HDGFL3: variants seen among roughly 807,000 people sequenced by gnomAD.
HDGFL3 encodes the protein hepatoma-derived growth factor-related protein 3.
In HDGFL3, 6 loss-of-function variants were observed where a neutral mutation model predicts 27.6. The ratio of observed to expected loss-of-function variants is 0.22; its 90% CI spans 0.12 to 0.43. HDGFL3 has a LOEUF of 0.43. Ranked by LOEUF, HDGFL3 falls within the 20% of genes least tolerant of loss-of-function variation. The pLI is 1.00. For missense variants in HDGFL3, 207 were observed against 250.1 expected (o/e 0.83, Z 1.16); for synonymous variants, 88 against 88.9 (o/e 0.99, Z 0.05).
intron 1 of HDGFL3, among the ~76,000 whole-genome samples, chr15:83,205,343 TG>T (rs1189079954): frequency 6.6e-6 from 1 of 152,230 alleles, no homozygotes. Flanking sequence ...AGTCTTAGGT[TG>T]TTTCTTGAGG....
At chr15:83,149,880 G>A (rs1305688309) in intron 5 of HDGFL3, among the ~76,000 whole-genome samples, 1 of 152,150 alleles carries the variant, frequency 6.6e-6, no homozygotes, top group Non-Finnish European at 1.5e-5. Context: ...TATAGAAGAA[G>A]GGGACGAATG....
rs769652455 is a variant in HDGFL3, at chr15:83,207,287, GA to G, written c.84+43del. 9.4e-6 allele frequency: 12 copies of G among 1,271,118 alleles called. No individual in the cohort carries two copies. Among genetic ancestry groups the G allele is most frequent in the South Asian group, 4.4e-5 (2 of 45,108 alleles). The allele number at this position is 1,271,118 out of a possible 1,614,324, so 78.7% of individuals were successfully genotyped here. ...GGGGCGGGCGCGCCATCATGAAGGG[GA>G]AAATGGTGGGCGGGCGGGCCCGCGC... On this transcript the variant is annotated intron_variant, in intron 1 of 5. Coordinates refer to ENST00000299633, the MANE Select transcript of HDGFL3 (RefSeq NM_016073.4). This position sits in a 1 kb window ranked among gnomAD's most constrained non-coding sequence, Gnocchi z 4.8.
chr15:83,179,014 T>C (rs2037348388), intron 1 of HDGFL3, among the ~76,000 whole-genome samples: 1 of 152,068 alleles, frequency 6.6e-6, no homozygotes, highest in African/African-American at 2.4e-5. Context: ...CCAAAAACCC[T>C]CCTTATCAAA....
intron 1 of HDGFL3, among the ~76,000 whole-genome samples, chr15:83,177,435 T>G (rs1286638587): frequency 6.6e-6 from 1 of 152,230 alleles, no homozygotes; most frequent in Non-Finnish European, 1.5e-5. Context: ...TAAGGTCCAC[T>G]GTTAAGCTAG....
At chr15:83,118,063 T>G (rs1444366073) in intron 3 of HDGFL3, among the ~76,000 whole-genome samples, 1 of 152,140 alleles carries the variant, frequency 6.6e-6, no homozygotes, top group African/African-American at 2.4e-5. Flanking sequence ...GGTTTCACCA[T>G]TAATATAGAG....
At chr15:83,159,722 G>A (rs1048281168) in intron 2 of HDGFL3, among the ~76,000 whole-genome samples, 1 of 152,168 alleles carries the variant, frequency 6.6e-6, no homozygotes, top group Non-Finnish European at 1.5e-5. Flanking sequence ...TGAAGAAAGA[G>A]CAAGTACAAG....
intron 2 of HDGFL3, among the ~76,000 whole-genome samples, chr15:83,158,535 G>A (rs1219559357): frequency 6.6e-6 from 1 of 152,186 alleles, no homozygotes; most frequent in Non-Finnish European, 1.5e-5. Context: ...ATGGTCAACT[G>A]TGGTCCAATG....
chr15:83,188,650 T>C lies in HDGFL3; in HGVS notation c.84+18681A>G, dbSNP rs544341496. ...TTTCTTCTCGGATTCCAGGATGCCA[T>C]AGTCTCGTAATATACTTTTTCCCTA... is the stretch of plus-strand genomic sequence containing the variant. On this transcript the variant is annotated intron_variant, in intron 1 of 5. Coordinates refer to ENST00000299633, the MANE Select transcript of HDGFL3 (RefSeq NM_016073.4). Among the ~76,000 whole-genome samples, 14 of 152,344 alleles carry C rather than the reference T, an allele frequency of 9.2e-5. No individual in the cohort carries two copies. The South Asian group carries it at 2.9e-3, about 32-fold the overall frequency.
intron 3 of HDGFL3, among the ~76,000 whole-genome samples, chr15:83,121,309 T>C (rs2035225851): frequency 6.6e-6 from 1 of 151,862 alleles, no homozygotes; most frequent in African/African-American, 2.4e-5. Context: ...TTCAAACTCC[T>C]GACCTCAAGT....
downstream of HDGFL3, among the ~76,000 whole-genome samples, chr15:83,126,041 G>A (rs987031785): frequency 5.9e-5 from 9 of 152,276 alleles, no homozygotes; most frequent in South Asian, 1.0e-3. Context: ...ATTCTTGCAC[G>A]GCCATATCCC....
chr15:83,187,285 C>T (rs896739326), intron 1 of HDGFL3, among the ~76,000 whole-genome samples: 1 of 151,714 alleles, frequency 6.6e-6, no homozygotes, highest in Non-Finnish European at 1.5e-5. Context: ...GTATGCTTTT[C>T]TCCATGTTCA....
intron 2 of HDGFL3, among the ~76,000 whole-genome samples, chr15:83,160,791 A>G (rs777938596): frequency 1.3e-5 from 2 of 152,192 alleles, no homozygotes. Flanking sequence ...CCTGGGTCTC[A>G]GGGTTGATCC....
chr15:83,192,502 CAATAA>C (rs1414365063), intron 1 of HDGFL3, among the ~76,000 whole-genome samples: 2 of 151,838 alleles, frequency 1.3e-5, no homozygotes, highest in Admixed American at 6.6e-5. Context: ...ATGTAGTTCC[CAATAA>C]AATAAGAAAA....
chr15:83,136,460 T>G lies in HDGFL3; in HGVS notation c.*2810A>C, dbSNP rs980562251. ...GAACACGTTTCATGCTTACTCAATT[T>G]TTTTTTTTTAAATGCAACAGGCTCA... On this transcript the variant is annotated 3_prime_UTR_variant, in exon 6 of 6. Coordinates refer to ENST00000299633, the MANE Select transcript of HDGFL3 (RefSeq NM_016073.4). 3 of 1,563,756 alleles carry G rather than the reference T, an allele frequency of 1.9e-6. No individual in the cohort carries two copies. The African/African-American group carries it at 4.2e-5, about 22-fold the overall frequency.
chr15:83,167,647 A>C (rs1226946395), intron 1 of HDGFL3, among the ~76,000 whole-genome samples: 1 of 152,216 alleles, frequency 6.6e-6, no homozygotes, highest in Non-Finnish European at 1.5e-5. Context: ...CGAAATATGT[A>C]CATGCCCAAC....
chr15:83,172,822 C>CAA (rs767796165), intron 1 of HDGFL3, among the ~76,000 whole-genome samples: 229 of 66,732 alleles, frequency 3.4e-3, no homozygotes, highest in African/African-American at 0.012. Flanking sequence ...GACTCCAGCT[C>CAA]AAAAAAAAAA....
intron 1 of HDGFL3, among the ~76,000 whole-genome samples, chr15:83,200,093 C>G (rs1025326527): frequency 4.0e-5 from 6 of 149,142 alleles, no homozygotes; most frequent in Non-Finnish European, 8.9e-5. Flanking sequence ...CCTGTAATCC[C>G]AGCACTTTGA....
intron 1 of HDGFL3, among the ~76,000 whole-genome samples, chr15:83,174,850 T>C (rs2037289890): frequency 1.3e-5 from 2 of 152,234 alleles, no homozygotes; most frequent in South Asian, 2.1e-4. Flanking sequence ...CTCTGCTATA[T>C]AACTAATATC....
At chr15:83,162,627 C>G (rs1165505795) in intron 2 of HDGFL3, among the ~76,000 whole-genome samples, 1 of 151,978 alleles carries the variant, frequency 6.6e-6, no homozygotes, top group African/African-American at 2.4e-5. Context: ...AAAAATAATA[C>G]AAAAGTAAAT....
Sources: gnomAD v4.1 joint callset for allele counts (sites outside exome capture counted in the v4.1 genomes callset) on GRCh38, gnomAD v4.1.1 for gene constraint, Gnocchi (gnomAD v3.1) non-coding constraint, MANE v1.5 for transcripts, NCBI Gene and HGNC (gene_info 2026-07-23, HGNC 2026-07-21) for gene names.